COMMD1: variants seen among roughly 807,000 people sequenced by gnomAD.
COMMD1 encodes the protein COMM domain-containing protein 1.
In COMMD1, 10 loss-of-function variants were observed where a neutral mutation model predicts 17.2. The ratio of observed to expected loss-of-function variants is 0.58; its 90% CI spans 0.36 to 0.99. COMMD1 has a LOEUF of 0.99. Among genes scored for constraint, COMMD1 ranks in the 50% least tolerant of loss-of-function variants. COMMD1 has a pLI of 0.01. For synonymous variants in COMMD1, 97 were observed against 91.6 expected, an observed-to-expected ratio of 1.06 and a Z score of -0.34; for missense variants, 270 against 231.8, an observed-to-expected ratio of 1.17 and a Z score of -1.07.
chr2:62,057,084 G>A (rs1043797520), intron 2 of COMMD1, among the ~76,000 whole-genome samples: 4 of 152,036 alleles, frequency 2.6e-5, no homozygotes, highest in African/African-American at 4.8e-5. Context: ...CCCCAATCCT[G>A]CAACTAAATG....
At chr2:62,068,618 ATCTT>A (rs1292457832) in intron 2 of COMMD1, among the ~76,000 whole-genome samples, 74 of 143,414 alleles carry the variant, frequency 5.2e-4, no homozygotes, top group Non-Finnish European at 7.4e-4. Flanking sequence ...TAGTAGTATA[ATCTT>A]TTTTTTTTTT....
upstream of COMMD1, among the ~76,000 whole-genome samples, chr2:61,904,712 C>T (rs2105168224): frequency 6.6e-6 from 1 of 152,318 alleles, no homozygotes; most frequent in African/African-American, 2.4e-5. Context: ...TATTCACATA[C>T]TGTGAAACTA....
intron 2 of COMMD1, among the ~76,000 whole-genome samples, chr2:62,006,543 G>A: frequency 6.6e-6 from 1 of 152,052 alleles, no homozygotes; most frequent in Admixed American, 6.6e-5. Context: ...TGTAGTGAAT[G>A]TTTTTTCCAA....
chr2:61,914,310 C>T (rs1345110031), intron 1 of COMMD1, among the ~76,000 whole-genome samples: 1 of 152,110 alleles, frequency 6.6e-6, no homozygotes, highest in African/African-American at 2.4e-5. Flanking sequence ...TCTTTAGACT[C>T]CTGAGATCTG....
At position 62,095,916 on chromosome 2, in the gene COMMD1, C is replaced by CAT. The variant is rs776573572; in HGVS notation, c.463-39902_463-39901dup. Among the ~76,000 whole-genome samples the CAT allele has an allele frequency of 2.1e-3, 295 of 141,062 alleles. 5 individuals carry two copies. The South Asian group carries it at 0.039, about 19-fold the overall frequency. 92.5% of individuals were successfully genotyped at this position (141,062 alleles called of 152,430 possible). ...ATATATAATCCTGTGTGTATATATACATATATATATATATGTATACATATA... is the reference window on the plus strand; with the variant it reads ...ATATATAATCCTGTGTGTATATATACATATATATATATATATGTATACATATA... On this transcript the variant is annotated intron_variant, in intron 2 of 2. Coordinates refer to ENST00000311832, the MANE Select transcript of COMMD1 (RefSeq NM_152516.4).
In COMMD1 at chr2:62,000,748, G is replaced by T; in HGVS notation, c.228G>T (p.Leu76Phe). Reference sequence around the variant, plus strand: ...ATTTCAACCAGCTGGAGGCATTCTTGACTGCTCAAACCAAAAAGCAAGGTG... The same window carrying T: ...ATTTCAACCAGCTGGAGGCATTCTTTACTGCTCAAACCAAAAAGCAAGGTG... ...DMDFNQLEAF[L>F]TAQTKKQGGI... Residue 76 changes from leucine to phenylalanine, a missense_variant, in exon 2 of 3, where the codon TTG becomes TTT. Transcript: ENST00000311832. 6.2e-7 allele frequency: 1 copy of T among 1,614,064 alleles called. No individual in the cohort carries two copies. The highest frequency in any genetic ancestry group is 2.2e-5 in the East Asian group (1 of 44,878).
intron 1 of COMMD1, among the ~76,000 whole-genome samples, chr2:61,946,431 G>A (rs1670906860): frequency 6.6e-6 from 1 of 152,160 alleles, no homozygotes; most frequent in Admixed American, 6.5e-5. Flanking sequence ...AGAAGACTTG[G>A]TTCTCTTAAA....
chr2:62,089,172 G>A (rs1573169748), intron 2 of COMMD1, among the ~76,000 whole-genome samples: 2 of 152,044 alleles, frequency 1.3e-5, no homozygotes, highest in Admixed American at 1.3e-4. Context: ...GATTGGGAGG[G>A]CTTGGAAGAA....
chr2:62,021,154 A>G (rs1669603233), intron 2 of COMMD1, among the ~76,000 whole-genome samples: 1 of 152,208 alleles, frequency 6.6e-6, no homozygotes, highest in African/African-American at 2.4e-5. Context: ...GTCCTCAACC[A>G]CATCTTTTAG....
At chr2:62,053,011 T>C (rs548083171) in intron 2 of COMMD1, among the ~76,000 whole-genome samples, 74 of 152,130 alleles carry the variant, frequency 4.9e-4, no homozygotes, top group African/African-American at 1.7e-3. Flanking sequence ...GCCCAGGAGG[T>C]TGAGGCTGCA....
At chr2:61,998,845 A>G (rs1364772982) in intron 1 of COMMD1, among the ~76,000 whole-genome samples, 1 of 152,226 alleles carries the variant, frequency 6.6e-6, no homozygotes, top group East Asian at 1.9e-4. Context: ...AGAGAGGGAA[A>G]GAGAAGGAAT....
chr2:61,962,410 C>T (rs1671364046), intron 1 of COMMD1, among the ~76,000 whole-genome samples: 1 of 152,068 alleles, frequency 6.6e-6, no homozygotes, highest in South Asian at 2.1e-4. Context: ...TTTTTGCCAA[C>T]CAGGTGACTG....
intron 1 of COMMD1, among the ~76,000 whole-genome samples, chr2:61,931,388 C>A (rs1670464323): frequency 6.6e-6 from 1 of 151,994 alleles, no homozygotes; most frequent in South Asian, 2.1e-4. Flanking sequence ...TGCTGATAGA[C>A]AAGTTGAATG....
chr2:62,044,789 G>A (rs1038075636), intron 2 of COMMD1, among the ~76,000 whole-genome samples: 3 of 146,956 alleles, frequency 2.0e-5, no homozygotes, highest in African/African-American at 7.5e-5. Context: ...GTGAGAATGA[G>A]ATTCTGATCA....
intron 1 of COMMD1, among the ~76,000 whole-genome samples, chr2:61,973,485 A>T (rs1671705506): frequency 6.6e-6 from 1 of 152,164 alleles, no homozygotes. Flanking sequence ...CATTGTCTTG[A>T]TTATTAGGTT....
intron 2 of COMMD1, chr2:62,070,367 A>C (rs1671165528): frequency 6.6e-6 from 1 of 151,864 alleles, no homozygotes; most frequent in Admixed American, 6.6e-5. Flanking sequence ...GCCAGCTTGC[A>C]CAACATAGCG....
At chr2:62,100,527 A>G (rs1672147303) in intron 2 of COMMD1, among the ~76,000 whole-genome samples, 1 of 152,166 alleles carries the variant, frequency 6.6e-6, no homozygotes, top group African/African-American at 2.4e-5. Context: ...TGGTTCAGAA[A>G]GGCAGGACAA....
intron 1 of COMMD1, among the ~76,000 whole-genome samples, chr2:61,962,913 C>A (rs1249501305): frequency 6.6e-6 from 1 of 152,098 alleles, no homozygotes; most frequent in Non-Finnish European, 1.5e-5. Flanking sequence ...GTGATCCCAG[C>A]ACTTTGGGAG....
chr2:61,981,800 A>G (rs1309053103), intron 1 of COMMD1, among the ~76,000 whole-genome samples: 2 of 152,178 alleles, frequency 1.3e-5, no homozygotes, highest in Non-Finnish European at 2.9e-5. Flanking sequence ...CCATGATTCA[A>G]TTACCTGCCA....
Sources: allele counts gnomAD v4.1 joint callset (sites outside exome capture counted in the v4.1 genomes callset), GRCh38; gene constraint gnomAD v4.1.1; transcripts MANE v1.5; gene names NCBI Gene and HGNC (gene_info 2026-07-23, HGNC 2026-07-21).